RYR2: variants seen among roughly 807,000 people sequenced by gnomAD.
The protein encoded by RYR2 is cardiac muscle ryanodine receptor-calcium release channel.
RYR2 carries 227 observed loss-of-function variants against 601.1 expected under a neutral mutation model. The observed-to-expected ratio is 0.38, with a 90% CI of 0.34 to 0.42. The LOEUF (loss-of-function observed/expected upper bound fraction) is 0.42, where lower values mean the gene tolerates loss of function less well. Among genes scored for constraint, RYR2 ranks in the 10% least tolerant of loss-of-function variants. The pLI is 1.00. For synonymous variants in RYR2, 2,223 were observed against 2,175.1 expected (o/e 1.02, Z -0.61); for missense variants, 4,646 against 6,156.5 (o/e 0.75, Z 8.21).
At chr1:237,832,234 G>C (rs1284766678) in intron 104 of RYR2, among the ~76,000 whole-genome samples, 20 of 149,436 alleles carry the variant, frequency 1.3e-4, no homozygotes, top group Middle Eastern at 3.4e-3. Context: ...TTTAATTTTA[G>C]TACAGACAAG....
At position 237,055,206 on chromosome 1, in the gene RYR2, C is replaced by T. The variant is rs182260232; in HGVS notation, c.48+12637C>T. Among the ~76,000 whole-genome samples the T allele has an allele frequency of 6.9e-4, 105 of 152,198 alleles. 2 individuals are homozygous for T. In the South Asian group the frequency reaches 0.011, roughly 16 times the overall value. ...GGTGACACGTTTGGGAGAGAGATGACGGGCGAGTACTGCTGTGTCATCCTG... is the reference window on the plus strand; with the variant it reads ...GGTGACACGTTTGGGAGAGAGATGATGGGCGAGTACTGCTGTGTCATCCTG... On this transcript the variant is annotated intron_variant, in intron 1 of 104. Coordinates refer to ENST00000366574, the MANE Select transcript of RYR2 (RefSeq NM_001035.3).
At chr1:237,765,230 A>G (rs1171543678) in intron 84 of RYR2, among the ~76,000 whole-genome samples, 4 of 152,172 alleles carry the variant, frequency 2.6e-5, no homozygotes, top group African/African-American at 9.7e-5. Flanking sequence ...TATCAGAACC[A>G]TTAACCCCAT....
At chr1:237,179,582 C>T (rs547639340) in intron 1 of RYR2, among the ~76,000 whole-genome samples, 3 of 152,092 alleles carry the variant, frequency 2.0e-5, no homozygotes, top group Admixed American at 6.5e-5. Flanking sequence ...CATGTAATGC[C>T]CCAGCATCTC....
At chr1:237,760,032 A>G (rs1693288035) in intron 83 of RYR2, among the ~76,000 whole-genome samples, 180 bp downstream of exon 83, 1 of 152,126 alleles carries the variant, frequency 6.6e-6, no homozygotes, top group South Asian at 2.1e-4. Context: ...GTAATATCAT[A>G]ATTAATAACT....
At chr1:237,724,365 G>T (rs79219019) in intron 74 of RYR2, among the ~76,000 whole-genome samples, 3,205 of 150,800 alleles carry the variant, frequency 0.021, 118 homozygotes, top group African/African-American at 0.073. Flanking sequence ...CCTCACCCCT[G>T]CCCTGGACAG....
chr1:237,265,193 G>A (rs1290010057), intron 1 of RYR2, among the ~76,000 whole-genome samples: 1 of 152,154 alleles, frequency 6.6e-6, no homozygotes, highest in Non-Finnish European at 1.5e-5. Context: ...AACTAGAGAA[G>A]AGAGAAAGGG....
intron 1 of RYR2, among the ~76,000 whole-genome samples, chr1:237,209,664 G>A (rs1332833995): frequency 6.6e-6 from 1 of 151,880 alleles, no homozygotes; most frequent in African/African-American, 2.4e-5. Flanking sequence ...ACCAGGCTGG[G>A]CAATATAGCC....
intron 24 of RYR2, among the ~76,000 whole-genome samples, chr1:237,527,091 T>A (rs1012801126): frequency 6.6e-6 from 1 of 152,216 alleles, no homozygotes; most frequent in Non-Finnish European, 1.5e-5. Flanking sequence ...TTGTTAACTT[T>A]GTCAAAGATC....
At chr1:237,370,619 C>A (rs1266568453) in intron 6 of RYR2, among the ~76,000 whole-genome samples, 1 of 150,924 alleles carries the variant, frequency 6.6e-6, no homozygotes, top group African/African-American at 2.4e-5. Flanking sequence ...CAAGGGTCAA[C>A]TGTATATAAA....
intron 24 of RYR2, among the ~76,000 whole-genome samples, chr1:237,516,116 T>C (rs961198527): frequency 1.3e-5 from 2 of 151,978 alleles, no homozygotes; most frequent in African/African-American, 2.4e-5. Context: ...TACTTACTTA[T>C]TTATTTGTTT....
intron 24 of RYR2, among the ~76,000 whole-genome samples, chr1:237,530,020 C>G (rs1304000133): frequency 6.6e-6 from 1 of 152,084 alleles, no homozygotes; most frequent in African/African-American, 2.4e-5. Context: ...ACCTTAAAAA[C>G]AAGACTTCTG....
intron 68 of RYR2, among the ~76,000 whole-genome samples, 167 bp downstream of exon 68, chr1:237,707,436 TG>T (rs1343158247): frequency 1.3e-5 from 2 of 152,216 alleles, no homozygotes; most frequent in African/African-American, 2.4e-5. Flanking sequence ...AAACAGGCAT[TG>T]GGTATATGTT....
intron 2 of RYR2, among the ~76,000 whole-genome samples, chr1:237,286,730 A>ATGGC (rs1558558569): frequency 1.3e-5 from 2 of 151,678 alleles, no homozygotes; most frequent in African/African-American, 4.8e-5. Flanking sequence ...AAGGCAGCAG[A>ATGGC]TGGCTGGTGA....
At chr1:237,796,922 T>C (rs1370576947) in intron 96 of RYR2, among the ~76,000 whole-genome samples, 1 of 151,986 alleles carries the variant, frequency 6.6e-6, no homozygotes, top group Non-Finnish European at 1.5e-5. Context: ...GTAGCTGGGA[T>C]TACAGGTGTC....
chr1:237,102,202 C>A (rs1668178356), intron 1 of RYR2, among the ~76,000 whole-genome samples: 1 of 152,130 alleles, frequency 6.6e-6, no homozygotes, highest in Admixed American at 6.5e-5. Context: ...ACAGGACAGA[C>A]AGGTGGGGGG....
intron 100 of RYR2, among the ~76,000 whole-genome samples, chr1:237,810,115 G>A (rs1661100990): frequency 6.6e-6 from 1 of 151,940 alleles, no homozygotes; most frequent in South Asian, 2.1e-4. Flanking sequence ...ATGGAGAACG[G>A]TCTGAGTATG....
intron 1 of RYR2, among the ~76,000 whole-genome samples, chr1:237,112,410 G>A (rs1447362615): frequency 4.6e-5 from 7 of 152,034 alleles, no homozygotes; most frequent in Non-Finnish European, 7.4e-5. Flanking sequence ...CACCGTGCCC[G>A]GCCCCCTCCT....
intron 1 of RYR2, among the ~76,000 whole-genome samples, chr1:237,096,854 T>C (rs1338294468): frequency 6.6e-6 from 1 of 152,180 alleles, no homozygotes; most frequent in Non-Finnish European, 1.5e-5. Context: ...TGTGTGGGTG[T>C]GTCCAGGAGA....
intron 1 of RYR2, among the ~76,000 whole-genome samples, chr1:237,072,161 G>A (rs1664429679): frequency 6.6e-6 from 1 of 152,192 alleles, no homozygotes; most frequent in African/African-American, 2.4e-5. Flanking sequence ...AGGGCACGGG[G>A]GTCCTGCTTG....
Sources: gnomAD v4.1 joint callset for allele counts (sites outside exome capture counted in the v4.1 genomes callset) on GRCh38, gnomAD v4.1.1 for gene constraint, MANE v1.5 for transcripts, NCBI Gene and HGNC (gene_info 2026-07-23, HGNC 2026-07-21) for gene names.